Variants in ADCY8 observed in about 807,000 individuals in gnomAD.
ADCY8 encodes the protein adenylate cyclase 8.
A neutral mutation model predicts 119.7 loss-of-function variants in ADCY8; 51 were observed. The ratio of observed to expected loss-of-function variants is 0.43; its 90% CI spans 0.34 to 0.54. The LOEUF is 0.54. Among genes scored for constraint, ADCY8 ranks in the 20% least tolerant of loss-of-function variants. The pLI is 0.03. For synonymous variants in ADCY8, 665 were observed against 651.0 expected, an observed-to-expected ratio of 1.02 and a Z score of -0.33; for missense variants, 1,383 against 1,598.8, an observed-to-expected ratio of 0.87 and a Z score of 2.30.
rs185059908 is a variant in ADCY8, at chr8:130,824,363, C to T, written c.2676-2943G>A. 1.6e-3 allele frequency among the ~76,000 whole-genome samples: 248 copies of T among 152,114 alleles called. 3 individuals carry two copies. Among genetic ancestry groups the T allele is most frequent in the Admixed American group, 0.014 (218 of 15,270 alleles). ...TTATTCCCATTCTAGAAAAAAAATCCAAGACTGAGTTGTTAAAAAATTTAA... is the reference window on the plus strand; with the variant it reads ...TTATTCCCATTCTAGAAAAAAAATCTAAGACTGAGTTGTTAAAAAATTTAA... On this transcript the variant is annotated intron_variant, in intron 12 of 17. Coordinates refer to ENST00000286355, the MANE Select transcript of ADCY8 (RefSeq NM_001115.3).
chr8:130,886,509 G>A (rs1356777004), intron 7 of ADCY8, among the ~76,000 whole-genome samples: 2 of 152,078 alleles, frequency 1.3e-5, no homozygotes, highest in Non-Finnish European at 1.5e-5. Context: ...TGAACTGTCA[G>A]CCACTTGGTG....
intron 2 of ADCY8, among the ~76,000 whole-genome samples, chr8:130,953,126 G>A (rs117538760): frequency 1.5e-4 from 23 of 152,132 alleles, no homozygotes; most frequent in Admixed American, 2.6e-4. Flanking sequence ...ACTTGGTTAC[G>A]TGGTTTACTG....
chr8:130,950,039 G>A (rs1039906644), intron 3 of ADCY8, among the ~76,000 whole-genome samples: 3 of 152,120 alleles, frequency 2.0e-5, no homozygotes, highest in East Asian at 3.9e-4. Context: ...ATTTTAAAAC[G>A]CGTGTTCCTG....
At chr8:130,979,548 G>C (rs977172984) in intron 2 of ADCY8, among the ~76,000 whole-genome samples, 2 of 152,216 alleles carry the variant, frequency 1.3e-5, no homozygotes, top group African/African-American at 4.8e-5. Flanking sequence ...CCAGTGGAGA[G>C]AGGGGTAGAT....
rs531812327 is a variant in ADCY8, at chr8:130,868,027, A to C, written c.2110-81T>G. The stretch of plus-strand genomic sequence containing the variant: ...GTTGAGGGAAACATCAAGAAGAAAC[A>C]AGGCAATTAGATTTTTTTTAAATTA... On this transcript the variant is annotated intron_variant, in intron 8 of 17. Coordinates refer to ENST00000286355, the MANE Select transcript of ADCY8 (RefSeq NM_001115.3). 608 of 869,952 alleles carry C rather than the reference A, an allele frequency of 7.0e-4. 3 individuals carry two copies. Among genetic ancestry groups the C allele is most frequent in the African/African-American group, 2.4e-3 (142 of 58,450 alleles). 53.9% of individuals were successfully genotyped at this position (869,952 alleles called of 1,614,324 possible).
At chr8:130,879,494 A>G (rs1268603205) in intron 8 of ADCY8, among the ~76,000 whole-genome samples, 1 of 152,202 alleles carries the variant, frequency 6.6e-6, no homozygotes, top group East Asian at 1.9e-4. Context: ...TTCTTACCAA[A>G]TTGACAAGTT....
intron 2 of ADCY8, among the ~76,000 whole-genome samples, chr8:130,957,383 A>G (rs1232852524): frequency 1.3e-5 from 2 of 152,222 alleles, no homozygotes; most frequent in Non-Finnish European, 1.5e-5. Context: ...TTAAGCAGAA[A>G]AGCATTCAAG....
chr8:130,998,053 A>C (rs1271747507), intron 1 of ADCY8, among the ~76,000 whole-genome samples: 1 of 152,166 alleles, frequency 6.6e-6, no homozygotes, highest in Non-Finnish European at 1.5e-5. Flanking sequence ...AACGAGTTCT[A>C]TGTGTCAGGC....
chr8:130,860,475 C>T (rs888203500), intron 9 of ADCY8, among the ~76,000 whole-genome samples: 3 of 152,040 alleles, frequency 2.0e-5, no homozygotes, highest in African/African-American at 7.2e-5. Context: ...AACTCATCAC[C>T]AAATTCAAAA....
At chr8:130,918,677 G>C (rs199793226) in intron 5 of ADCY8, among the ~76,000 whole-genome samples, 2 of 152,278 alleles carry the variant, frequency 1.3e-5, no homozygotes, top group East Asian at 3.9e-4. Flanking sequence ...CATTATTTTA[G>C]AGAGTATGGA....
chr8:130,809,137 G>A lies in ADCY8; in HGVS notation c.2913+4932C>T, dbSNP rs73716269. ...TTCTGGGTGTGAGGCCCTGTCCACC[G>A]CCTGTGTTTGGATGGTTTGAGTCAT... On this transcript the variant is annotated intron_variant, in intron 14 of 17. Transcript: ENST00000286355. 7.6e-3 allele frequency among the ~76,000 whole-genome samples: 1,152 copies of A among 152,248 alleles called. 24 individuals carry two copies. The highest frequency in any genetic ancestry group is 0.026 in the African/African-American group (1,084 of 41,542).
intron 1 of ADCY8, among the ~76,000 whole-genome samples, chr8:131,017,323 G>C (rs1251194761): frequency 6.6e-6 from 1 of 152,106 alleles, no homozygotes; most frequent in Non-Finnish European, 1.5e-5. Flanking sequence ...ACCCGCCTTG[G>C]TCTCCTAAAG....
intron 1 of ADCY8, among the ~76,000 whole-genome samples, chr8:131,024,664 CAATT>C (rs1359231776): frequency 1.3e-5 from 2 of 152,158 alleles, no homozygotes; most frequent in Admixed American, 6.5e-5. Context: ...AATTGTTTGT[CAATT>C]AATTATCACA....
chr8:130,821,253 G>A, intron 13 of ADCY8, 89 bp downstream of exon 13: 1 of 1,111,742 alleles, frequency 9.0e-7, no homozygotes. Context: ...GCAGCTAAAA[G>A]TTATTTGCTG....
intron 9 of ADCY8, among the ~76,000 whole-genome samples, chr8:130,859,559 C>G (rs1817858925): frequency 6.6e-6 from 1 of 152,218 alleles, no homozygotes; most frequent in African/African-American, 2.4e-5. Flanking sequence ...CCCCACATCC[C>G]CTTCAGGGAG....
intron 15 of ADCY8, among the ~76,000 whole-genome samples, chr8:130,798,710 A>G (rs1352476383): frequency 6.6e-6 from 1 of 152,168 alleles, no homozygotes; most frequent in East Asian, 1.9e-4. Flanking sequence ...GAGAAATAAT[A>G]TGGTCTGAAT....
chr8:130,883,339 T>C (rs896060028), intron 8 of ADCY8, among the ~76,000 whole-genome samples: 4 of 152,176 alleles, frequency 2.6e-5, no homozygotes, highest in African/African-American at 9.7e-5. Flanking sequence ...CTTAATTATA[T>C]GATGAATAAG....
intron 10 of ADCY8, 23 bp downstream of exon 10, chr8:130,849,579 G>A (rs769932071): frequency 8.7e-6 from 14 of 1,610,860 alleles, no homozygotes; most frequent in Non-Finnish European, 1.1e-5. Context: ...ACACCAGAGG[G>A]TTGGTGGATG....
intron 1 of ADCY8, among the ~76,000 whole-genome samples, chr8:131,020,343 G>C (rs1193849861): frequency 6.6e-6 from 1 of 152,100 alleles, no homozygotes; most frequent in Admixed American, 6.5e-5. Context: ...CTCTAGAGTG[G>C]AAGGAGAAGA....
Sources: allele counts gnomAD v4.1 joint callset (sites outside exome capture counted in the v4.1 genomes callset), GRCh38; gene constraint gnomAD v4.1.1; transcripts MANE v1.5; gene names NCBI Gene and HGNC (gene_info 2026-07-23, HGNC 2026-07-21).